The following TENM1 variants were observed in gnomAD, a reference collection of about 807,000 sequenced individuals.
TENM1 encodes the protein teneurin-1.
A neutral mutation model predicts 174.8 loss-of-function variants in TENM1; 35 were observed. That is an observed-to-expected ratio of 0.20 (90% CI 0.15 to 0.27). The LOEUF (loss-of-function observed/expected upper bound fraction) is 0.27, where lower values mean the gene tolerates loss of function less well. Among genes scored for constraint, TENM1 ranks in the 10% least tolerant of loss-of-function variants. The pLI, the probability that TENM1 is intolerant of heterozygous loss-of-function variation, is 1.00. For missense variants in TENM1, 1,633 were observed against 2,130.1 expected, an observed-to-expected ratio of 0.77 and a Z score of 4.59; for synonymous variants, 781 against 798.7, an observed-to-expected ratio of 0.98 and a Z score of 0.37.
the TENM1 span, among the ~76,000 whole-genome samples, chrX:125,091,501 G>C: frequency 9.0e-6 from 1 of 111,663 alleles, no homozygotes; most frequent in Non-Finnish European, 1.9e-5. Flanking sequence ...GGTAGGTTGA[G>C]TGTGTTAAGC....
chrX:124,488,693 T>C (rs1387253458), intron 20 of TENM1, among the ~76,000 whole-genome samples: 2 of 112,484 alleles, frequency 1.8e-5, no homozygotes, highest in Non-Finnish European at 3.8e-5. Flanking sequence ...CTCTAAATTA[T>C]AGAATGAGTG....
At chrX:124,541,167 A>G (rs2048311270) in intron 15 of TENM1, among the ~76,000 whole-genome samples, 1 of 112,326 alleles carries the variant, frequency 8.9e-6, no homozygotes, top group Admixed American at 9.5e-5. Context: ...TAAGGTCCTA[A>G]TATCATTTGT....
At chrX:124,465,350 G>A (rs1047455029) in intron 22 of TENM1, among the ~76,000 whole-genome samples, 9 of 111,437 alleles carry the variant, frequency 8.1e-5, no homozygotes, top group African/African-American at 2.3e-4. Flanking sequence ...CTGGGCTCCC[G>A]ACATCATTCC....
the TENM1 span, among the ~76,000 whole-genome samples, chrX:125,172,335 T>G: frequency 9.1e-6 from 1 of 110,167 alleles, no homozygotes; most frequent in Non-Finnish European, 1.9e-5. Flanking sequence ...CCCCCCATTT[T>G]AAACGAGAAG....
At chrX:124,475,815 A>G (rs2061380910) in intron 22 of TENM1, among the ~76,000 whole-genome samples, 2 of 111,377 alleles carry the variant, frequency 1.8e-5, no homozygotes, top group South Asian at 7.7e-4. Context: ...CCTGTCGCCA[A>G]CATTATCAAA....
intron 8 of TENM1, among the ~76,000 whole-genome samples, chrX:124,651,386 A>G (rs2051305789): frequency 8.9e-6 from 1 of 111,946 alleles, no homozygotes; most frequent in East Asian, 2.8e-4. Flanking sequence ...AAACTAAAAT[A>G]TTCTATAAGA....
At chrX:124,711,568 G>C (rs1287794838) in intron 4 of TENM1, among the ~76,000 whole-genome samples, 1 of 111,615 alleles carries the variant, frequency 9.0e-6, no homozygotes, top group African/African-American at 3.3e-5. Flanking sequence ...AATTCAACTT[G>C]CTTCCAGTAG....
upstream of TENM1, among the ~76,000 whole-genome samples, chrX:124,968,484 GAGAGAGAGAA>G (rs1030122156): frequency 8.2e-4 from 91 of 111,302 alleles, no homozygotes; most frequent in Non-Finnish European, 1.5e-3. Context: ...TTTGTAACGA[GAGAGAGAGAA>G]AGAGAGAGAG....
At chrX:125,104,967 T>C in the TENM1 span, among the ~76,000 whole-genome samples, 1 of 111,801 alleles carries the variant, frequency 8.9e-6, no homozygotes, top group Non-Finnish European at 1.9e-5. Context: ...TAGCTCTATT[T>C]TTAAAGGATT....
intron 5 of TENM1, among the ~76,000 whole-genome samples, chrX:124,690,758 T>C (rs1052827615): frequency 9.1e-6 from 1 of 110,304 alleles, no homozygotes; most frequent in Non-Finnish European, 1.9e-5. Flanking sequence ...ACCTCCCTCT[T>C]CTCTCTCTTG....
the TENM1 span, among the ~76,000 whole-genome samples, chrX:125,070,777 A>G: frequency 2.7e-5 from 3 of 111,826 alleles, no homozygotes; most frequent in African/African-American, 9.7e-5. Flanking sequence ...TGAGCTCAAT[A>G]TGAAGAAGAA....
intron 3 of TENM1, among the ~76,000 whole-genome samples, chrX:124,836,020 T>C (rs745510744): frequency 9.0e-6 from 1 of 111,660 alleles, no homozygotes; most frequent in East Asian, 2.8e-4. Flanking sequence ...ACAGGTGGCT[T>C]AGTGATTTTT....
At chrX:124,943,902 A>T (rs7054452) in intron 1 of TENM1, among the ~76,000 whole-genome samples, 8,054 of 111,822 alleles carry the variant, frequency 0.072, 704 homozygotes, top group African/African-American at 0.25. Flanking sequence ...TCTACAATTA[A>T]TCAGTAAAAA....
chrX:124,986,795 C>T, the TENM1 span, among the ~76,000 whole-genome samples: 21 of 111,211 alleles, frequency 1.9e-4, no homozygotes, highest in Admixed American at 1.4e-3. Context: ...GTGCAAGCCA[C>T]CACATCCGGC....
chrX:124,414,263 G>A (rs1018440463), intron 25 of TENM1, among the ~76,000 whole-genome samples: 10 of 111,849 alleles, frequency 8.9e-5, no homozygotes, highest in Non-Finnish European at 1.5e-4. Flanking sequence ...CTGACGAACC[G>A]TCAACTCAGA....
intron 20 of TENM1, among the ~76,000 whole-genome samples, chrX:124,492,734 C>T (rs1423137638): frequency 9.1e-6 from 1 of 110,325 alleles, no homozygotes; most frequent in Non-Finnish European, 1.9e-5. Flanking sequence ...ATTGCCTTTT[C>T]TCCTTGAACC....
intron 25 of TENM1, among the ~76,000 whole-genome samples, chrX:124,416,841 C>T (rs919289356): frequency 4.5e-5 from 5 of 111,770 alleles, no homozygotes; most frequent in African/African-American, 1.3e-4. Context: ...CATGTTGTCT[C>T]TGCCTTCATG....
chrX:125,048,348 A>C, the TENM1 span, among the ~76,000 whole-genome samples: 1 of 102,845 alleles, frequency 9.7e-6, no homozygotes, highest in Non-Finnish European at 2.0e-5. Context: ...GCAGCCTCGA[A>C]CTCCTGGACT....
chrX:124,929,194 G>A (rs2058134576), intron 1 of TENM1, among the ~76,000 whole-genome samples: 1 of 111,284 alleles, frequency 9.0e-6, no homozygotes, highest in Non-Finnish European at 1.9e-5. Flanking sequence ...CCAATCTAGT[G>A]CTCTAACTGA....
Sources: allele counts gnomAD v4.1 joint callset (sites outside exome capture counted in the v4.1 genomes callset), GRCh38; gene constraint gnomAD v4.1.1; transcripts MANE v1.5; gene names NCBI Gene and HGNC (gene_info 2026-07-23, HGNC 2026-07-21).